Variants in TREML4 observed in about 807,000 individuals in gnomAD.
TREML4 encodes the protein trem-like transcript 4 protein.
Under a neutral mutation model 25.4 loss-of-function variants are expected in TREML4, and 25 were observed. The ratio of observed to expected loss-of-function variants is 0.98; its 90% CI spans 0.72 to 1.37. TREML4 has a LOEUF of 1.37. TREML4 is among the 40% of genes most tolerant of loss of function. The pLI is 0.00. For missense variants in TREML4, 268 were observed against 236.5 expected (o/e 1.13, Z -0.87); for synonymous variants, 92 against 87.9 (o/e 1.05, Z -0.26).
At chr6:41,236,418 T>C in intron 4 of TREML4, 68 bp from the exon 5 acceptor site, 1 of 1,405,254 alleles carries the variant, frequency 7.1e-7, no homozygotes, top group Non-Finnish European at 1.0e-6. Flanking sequence ...CTGCCTGGCT[T>C]AGGGACACCG....
intron 4 of TREML4, among the ~76,000 whole-genome samples, chr6:41,231,365 G>C (rs900279688): frequency 6.6e-6 from 1 of 151,494 alleles, no homozygotes; most frequent in Non-Finnish European, 1.5e-5. Flanking sequence ...TTAGTCTTCG[G>C]TTCTTCCCCA....
At position 41,228,719 on chromosome 6, in the gene TREML4, T is replaced by C; in HGVS notation, c.69T>C (p.Ala23=). 6.2e-7 allele frequency: 1 copy of C among 1,612,394 alleles called. No individual in the cohort carries two copies. Among genetic ancestry groups the C allele is most frequent in the African/African-American group, 1.3e-5 (1 of 74,964 alleles). The part of the protein sequence containing the change: ...LCCCCSWPQG[A]VPEELHKHPG... ...CTGCCGGTTCCTGGGTAAAGGGTGC[T>C]GTGCCTGAAGAACTTCACAAACACC... is the stretch of plus-strand genomic sequence containing the variant. Residue 23 remains alanine, a synonymous_variant, in exon 2 of 6, where the codon GCT becomes GCC. Coordinates refer to ENST00000341495, the MANE Select transcript of TREML4 (RefSeq NM_198153.3).
intron 4 of TREML4, 38 bp from the exon 5 acceptor site, chr6:41,236,448 G>A (rs1319459792): frequency 2.5e-6 from 4 of 1,590,032 alleles, no homozygotes; most frequent in Non-Finnish European, 3.5e-6. Context: ...GTGACATCCT[G>A]GCCCAAGTCC....
intron 4 of TREML4, among the ~76,000 whole-genome samples, chr6:41,236,057 C>T (rs957555953): frequency 1.3e-5 from 2 of 152,148 alleles, no homozygotes; most frequent in African/African-American, 4.8e-5. Context: ...GTGCTGTCAC[C>T]ACTCCTAAGG....
At chr6:41,230,171 C>T (rs1766763873) in intron 4 of TREML4, 49 bp downstream of exon 4, 10 of 1,453,306 alleles carry the variant, frequency 6.9e-6, no homozygotes, top group Non-Finnish European at 9.7e-6. Context: ...GAAGGGAGGG[C>T]CTGATTAGCT....
chr6:41,232,697 G>A (rs1484020253), intron 4 of TREML4, among the ~76,000 whole-genome samples: 2 of 152,142 alleles, frequency 1.3e-5, no homozygotes, highest in African/African-American at 4.8e-5. Context: ...GGAGACAGTG[G>A]CAGATGATCA....
chr6:41,230,048 T>C lies in TREML4; in HGVS notation c.446-14T>C. ...TGCCCTGGGCAGCCACTGTCTTCTT[T>C]GTGTCCTCTTTAGTTCTGATCACTT... is the stretch of plus-strand genomic sequence containing the variant. On this transcript the variant is annotated splice_polypyrimidine_tract_variant and intron_variant, in intron 3 of 5. Coordinates refer to ENST00000341495, the MANE Select transcript of TREML4 (RefSeq NM_198153.3). 6.2e-7 allele frequency: 1 copy of C among 1,606,928 alleles called. No individual in the cohort carries two copies.
chr6:41,235,622 A>G (rs1766881321), intron 4 of TREML4, among the ~76,000 whole-genome samples: 1 of 152,238 alleles, frequency 6.6e-6, no homozygotes, highest in South Asian at 2.1e-4. Context: ...ACCTGTTTGG[A>G]GAAAAGTATA....
chr6:41,236,788 T>C (rs1766912843), intron 5 of TREML4, among the ~76,000 whole-genome samples, 171 bp downstream of exon 5: 1 of 152,146 alleles, frequency 6.6e-6, no homozygotes, highest in Non-Finnish European at 1.5e-5. Flanking sequence ...ACACAGACCT[T>C]AGAAAGAGAC....
At chr6:41,234,357 T>C (rs576923676) in intron 4 of TREML4, among the ~76,000 whole-genome samples, 36 of 152,074 alleles carry the variant, frequency 2.4e-4, no homozygotes, top group Admixed American at 6.5e-4. Context: ...ATGAAAGATT[T>C]CAAATTAATG....
chr6:41,228,959 C>T lies in TREML4; in HGVS notation c.309C>T (p.Asp103=). The change falls in exon 2 of 6, where the codon GAC becomes GAT. Residue 103 remains aspartate (D), a synonymous_variant. Coordinates refer to ENST00000341495, the MANE Select transcript of TREML4 (RefSeq NM_198153.3). The part of the protein sequence containing the change: ...NITMIQLTQN[D]SGFYWCGIYN... ...CCATGATTCAGCTGACACAGAATGA[C>T]TCGGGATTCTACTGGTGTGGAATCT... is the stretch of plus-strand genomic sequence containing the variant. The T allele has an allele frequency of 6.2e-7, 1 of 1,614,162 alleles. No individual in the cohort carries two copies. Among genetic ancestry groups the T allele is most frequent in the Non-Finnish European group, 8.5e-7 (1 of 1,179,980 alleles).
At chr6:41,229,218 G>C (rs1843099) in intron 2 of TREML4, among the ~76,000 whole-genome samples, 174 bp downstream of exon 2, 1 of 151,622 alleles carries the variant, frequency 6.6e-6, no homozygotes, top group African/African-American at 2.4e-5. Context: ...TCCTCCACCC[G>C]GTACATCCTG....
At chr6:41,232,683 G>T (rs2113940725) in intron 4 of TREML4, among the ~76,000 whole-genome samples, 1 of 152,306 alleles carries the variant, frequency 6.6e-6, no homozygotes, top group South Asian at 2.1e-4. Context: ...ATCTGGGGGT[G>T]ATGGGAGACA....
intron 4 of TREML4, among the ~76,000 whole-genome samples, chr6:41,236,173 C>T (rs1766894869): frequency 7.6e-6 from 1 of 130,938 alleles, no homozygotes; most frequent in African/African-American, 2.8e-5. Flanking sequence ...CGGATGGTCC[C>T]ATCCGACCTG....
chr6:41,229,493 G>A (rs1766744120), intron 2 of TREML4, 28 bp from the exon 3 acceptor site: 3 of 1,613,502 alleles, frequency 1.9e-6, no homozygotes, highest in Non-Finnish European at 2.5e-6. Flanking sequence ...CCCCTGGAGA[G>A]TCATTGTCTG....
rs544802332 is a variant in TREML4, at chr6:41,237,653, A to G, written c.*634A>G. 2 of 152,338 alleles carry G rather than the reference A, an allele frequency of 1.3e-5. No individual in the cohort carries two copies. The highest frequency in any genetic ancestry group is 3.9e-4 in the East Asian group (2 of 5,182). The allele number at this position is 152,338 out of a possible 1,614,324, so 9.4% of individuals were successfully genotyped here. A position where few individuals can be genotyped will look rare whatever the true frequency, so the allele number is the denominator to read the frequency against. On this transcript the variant is annotated 3_prime_UTR_variant, in exon 6 of 6. Transcript: ENST00000341495. Reference sequence around the variant, plus strand: ...GAGAAATGACTTAAAAATAAATGATAAAATTGAAACTAAGAAAGGCTGTAA... The same window carrying G: ...GAGAAATGACTTAAAAATAAATGATGAAATTGAAACTAAGAAAGGCTGTAA...
In TREML4 at chr6:41,238,603, TAC is replaced by T; in HGVS notation, c.*1588_*1589del. 6.6e-6 allele frequency: 1 copy of T among 152,352 alleles called. No homozygotes were observed. Among genetic ancestry groups the T allele is most frequent in the Middle Eastern group, 3.4e-3 (1 of 294 alleles). 9.4% of individuals were successfully genotyped at this position (152,352 alleles called of 1,614,324 possible). On this transcript the variant is annotated 3_prime_UTR_variant, in exon 6 of 6. Coordinates refer to ENST00000341495, the MANE Select transcript of TREML4 (RefSeq NM_198153.3). ...CATGTGAGACTTCCTTTAGGACTTA[TAC>T]ACAGGTGGCATCAGCTGGGTTGTGG...
chr6:41,231,729 G>T (rs892872717), intron 4 of TREML4, among the ~76,000 whole-genome samples: 1 of 152,300 alleles, frequency 6.6e-6, no homozygotes, highest in Middle Eastern at 3.4e-3. Flanking sequence ...CTCATGGAAG[G>T]TCCTGGAAAG....
At chr6:41,233,369 G>T (rs1766837344) in intron 4 of TREML4, among the ~76,000 whole-genome samples, 1 of 151,050 alleles carries the variant, frequency 6.6e-6, no homozygotes, top group African/African-American at 2.4e-5. Context: ...ACATACAAAA[G>T]ATTTTAAAAG....
Sources: allele counts gnomAD v4.1 joint callset (sites outside exome capture counted in the v4.1 genomes callset), GRCh38; gene constraint gnomAD v4.1.1; transcripts MANE v1.5; gene names NCBI Gene and HGNC (gene_info 2026-07-23, HGNC 2026-07-21).